The following ZNF676 variants were observed in gnomAD, a reference collection of about 807,000 sequenced individuals.
ZNF676 encodes zinc finger protein 676.
Under a neutral mutation model 6.0 loss-of-function variants are expected in ZNF676, and 4 were observed. The observed-to-expected ratio is 0.67, with a 90% CI of 0.33 to 1.53. The LOEUF (loss-of-function observed/expected upper bound fraction) is 1.53. Ranked by LOEUF, ZNF676 falls within the 40% of genes most tolerant of loss-of-function variation. The pLI is 0.06. For missense variants in ZNF676, 644 were observed against 679.7 expected (o/e 0.95, Z 0.58); for synonymous variants, 198 against 223.1 (o/e 0.89, Z 1.00).
the ZNF676 span, among the ~76,000 whole-genome samples, chr19:22,238,534 C>T: frequency 1.3e-5 from 2 of 152,032 alleles, no homozygotes; most frequent in Admixed American, 1.3e-4. Flanking sequence ...AGCAGCCAAC[C>T]CCCGAAACAC....
rs113820130 is a variant in ZNF676 at position 22,209,623 on chromosome 19, A to G, written c.3+6009T>C. 5.3e-3 allele frequency among the ~76,000 whole-genome samples: 809 copies of G among 152,218 alleles called. 5 individuals carry two copies. The highest frequency in any genetic ancestry group is 0.018 in the African/African-American group (765 of 41,542). On this transcript the variant is annotated intron_variant, in intron 1 of 3. Coordinates refer to the ZNF676 transcript ENST00000650058. ...AATTTTAGCTGTATAACAAAGCTGC[A>G]CATGTACCCCTGAACCACCCAAAAA...
the ZNF676 span, among the ~76,000 whole-genome samples, chr19:22,256,612 T>G: frequency 7.9e-5 from 12 of 152,184 alleles, no homozygotes; most frequent in East Asian, 1.9e-3. Context: ...AGGCCTTCTG[T>G]GAGCAGGACG....
upstream of ZNF676, among the ~76,000 whole-genome samples, chr19:22,197,877 TGA>T (rs2023985184): frequency 6.6e-6 from 1 of 152,186 alleles, no homozygotes; most frequent in African/African-American, 2.4e-5. Flanking sequence ...GTATTACTGC[TGA>T]GATATTGCCC....
the ZNF676 span, among the ~76,000 whole-genome samples, chr19:22,246,004 G>A: frequency 2.0e-5 from 3 of 152,180 alleles, no homozygotes; most frequent in African/African-American, 4.8e-5. Context: ...TCGTGCCCTA[G>A]GTGTTTGTCT....
intron 2 of ZNF676, among the ~76,000 whole-genome samples, chr19:22,184,204 AGGGTGAGCCGAAGTG>A (rs2023800345): frequency 6.6e-6 from 1 of 152,092 alleles, no homozygotes; most frequent in Non-Finnish European, 1.5e-5. Context: ...CAGCTCATGG[AGGGTGAGCCGAAGTG>A]GGGTGCAGTG....
chr19:22,231,713 C>T, the ZNF676 span, among the ~76,000 whole-genome samples: 5 of 151,328 alleles, frequency 3.3e-5, no homozygotes, highest in African/African-American at 1.2e-4. Flanking sequence ...AGTGATTCTC[C>T]TGCCTCAGCC....
upstream of ZNF676, among the ~76,000 whole-genome samples, chr19:22,216,421 GT>G (rs2024190816): frequency 6.6e-6 from 1 of 150,514 alleles, no homozygotes; most frequent in African/African-American, 2.4e-5. Flanking sequence ...GGCAACAAGA[GT>G]GAAACGCCAG....
At chr19:22,231,162 T>G in the ZNF676 span, among the ~76,000 whole-genome samples, 1 of 152,032 alleles carries the variant, frequency 6.6e-6, no homozygotes, top group African/African-American at 2.4e-5. Context: ...TGTAGTTATA[T>G]CTTTTAGAAG....
upstream of ZNF676, among the ~76,000 whole-genome samples, chr19:22,197,341 C>T (rs1301507989): frequency 2.0e-5 from 3 of 151,024 alleles, no homozygotes; most frequent in East Asian, 1.9e-4. Flanking sequence ...AAAAATTCAT[C>T]GTGTGTATTT....
chr19:22,211,290 C>G lies in ZNF676; in HGVS notation c.3+4342G>C, dbSNP rs549748449. Among the ~76,000 whole-genome samples, 5 of 152,132 alleles carry G rather than the reference C, an allele frequency of 3.3e-5. No homozygotes were observed. In the East Asian group the frequency reaches 9.7e-4, roughly 29 times the overall value. Reference sequence around the variant, plus strand: ...ACTATAGAGGCTTCTTCCATGGCTGCGGTAAGCAGGCTGGGACATCTGCAG... The same window carrying G: ...ACTATAGAGGCTTCTTCCATGGCTGGGGTAAGCAGGCTGGGACATCTGCAG... On this transcript the variant is annotated intron_variant, in intron 1 of 3. Coordinates refer to the ZNF676 transcript ENST00000650058.
intron 1 of ZNF676, among the ~76,000 whole-genome samples, chr19:22,213,977 A>C (rs1488934630): frequency 6.6e-6 from 1 of 152,238 alleles, no homozygotes; most frequent in Non-Finnish European, 1.5e-5. Flanking sequence ...GAAGAAAAAA[A>C]CATTTACAAA....
At chr19:22,191,837 CA>C (rs1328944839) in intron 2 of ZNF676, among the ~76,000 whole-genome samples, 1 of 151,954 alleles carries the variant, frequency 6.6e-6, no homozygotes, top group East Asian at 1.9e-4. Context: ...CTGGGGGCCC[CA>C]AAAAAGAAGA....
At chr19:22,224,552 T>C in the ZNF676 span, among the ~76,000 whole-genome samples, 3 of 152,208 alleles carry the variant, frequency 2.0e-5, no homozygotes, top group African/African-American at 4.8e-5. Flanking sequence ...TAATAATGAA[T>C]ATATATTTTC....
the ZNF676 span, among the ~76,000 whole-genome samples, chr19:22,235,146 AGG>A: frequency 2.7e-3 from 405 of 149,764 alleles, 4 homozygotes; most frequent in African/African-American, 9.6e-3. Flanking sequence ...GAAGGAAGGA[AGG>A]AAGGAAAGAA....
chr19:22,247,237 GA>G, the ZNF676 span, among the ~76,000 whole-genome samples: 31 of 152,140 alleles, frequency 2.0e-4, no homozygotes, highest in African/African-American at 7.5e-4. Context: ...AAAGCTTGAG[GA>G]CCCAGTTATG....
chr19:22,193,466 T>G (rs368732622), intron 1 of ZNF676, among the ~76,000 whole-genome samples: 3 of 152,062 alleles, frequency 2.0e-5, no homozygotes, highest in Non-Finnish European at 4.4e-5. Context: ...TGTTTTCTGC[T>G]TGGGGTTTGG....
chr19:22,243,027 G>A, the ZNF676 span, among the ~76,000 whole-genome samples: 1 of 151,774 alleles, frequency 6.6e-6, no homozygotes, highest in Non-Finnish European at 1.5e-5. Flanking sequence ...CATGTCTGTG[G>A]TAAGCCCAGT....
rs544197569 is a variant in ZNF676, at chr19:22,180,047, C to T, written c.1670G>A (p.Gly557Glu). The T allele has an allele frequency of 6.2e-7, 1 of 1,613,532 alleles. No individual in the cohort carries two copies. The highest frequency in any genetic ancestry group is 1.1e-5 in the South Asian group (1 of 91,040). The change falls in exon 3 of 3, where the codon GGA becomes GAA. Residue 557 changes from glycine (G) to glutamate (E), a missense_variant. This residue lies in a region of ZNF676 where 306 missense variants were observed against 265.4 expected (regional missense o/e 1.15). Transcript: ENST00000397121. ...TTCTTCACATTTGTAGGGTTTCTCT[C>T]CAGTATGAATTCTCTTGTGTCTAGT... ...SLTRHKRIHT[G>E]EKPYKCEECG...
At chr19:22,229,475 T>C in the ZNF676 span, among the ~76,000 whole-genome samples, 443 of 152,268 alleles carry the variant, frequency 2.9e-3, 2 homozygotes, top group African/African-American at 0.01. Flanking sequence ...GCAAAAGCAA[T>C]GGCAACAAAA....
Sources: gnomAD v4.1 joint callset for allele counts (sites outside exome capture counted in the v4.1 genomes callset) on GRCh38, gnomAD v4.1.1 for gene constraint, gnomAD v4.1.1 regional missense constraint, MANE v1.5 for transcripts, NCBI Gene and HGNC (gene_info 2026-07-23, HGNC 2026-07-21) for gene names.